The following CPQ variants were observed in gnomAD, a reference collection of about 807,000 sequenced individuals.
CPQ encodes Ser-Met dipeptidase.
In CPQ, 37 loss-of-function variants were observed where a neutral mutation model predicts 45.7. That is an observed-to-expected ratio of 0.81 (90% confidence interval 0.62 to 1.07). The LOEUF is 1.07. CPQ is among the 50% of genes least tolerant of loss of function. The probability of loss-of-function intolerance (pLI) is 0.00; values close to 1 mark genes in which losing one functional copy is unlikely to be tolerated. For synonymous variants in CPQ, 186 were observed against 205.8 expected (o/e 0.90, Z 0.82); for missense variants, 537 against 572.9 (o/e 0.94, Z 0.64).
At chr8:96,847,753 T>G (rs552994668) in intron 3 of CPQ, among the ~76,000 whole-genome samples, 1 of 152,034 alleles carries the variant, frequency 6.6e-6, no homozygotes, top group Non-Finnish European at 1.5e-5. Flanking sequence ...CCATACATAA[T>G]TGCTGTTAAT....
intron 3 of CPQ, among the ~76,000 whole-genome samples, chr8:96,853,290 G>A (rs1442958286): frequency 6.6e-6 from 1 of 152,164 alleles, no homozygotes; most frequent in African/African-American, 2.4e-5. Context: ...AGGCCAGGGC[G>A]CTGTGACAGG....
At chr8:96,981,950 G>A (rs1346940688) in intron 5 of CPQ, among the ~76,000 whole-genome samples, 1 of 152,114 alleles carries the variant, frequency 6.6e-6, no homozygotes, top group Non-Finnish European at 1.5e-5. Context: ...TAAACTAGAT[G>A]GTAACATGCT....
intron 7 of CPQ, among the ~76,000 whole-genome samples, chr8:97,110,264 C>G (rs1458793118): frequency 6.6e-6 from 1 of 152,182 alleles, no homozygotes; most frequent in Non-Finnish European, 1.5e-5. Context: ...CATACTGTTT[C>G]TGAGATTCAT....
chr8:96,925,567 G>A (rs573753090), intron 4 of CPQ, among the ~76,000 whole-genome samples: 6 of 152,234 alleles, frequency 3.9e-5, no homozygotes, highest in African/African-American at 1.4e-4. Flanking sequence ...ATTTTTAGTA[G>A]AAACAGGGTT....
At chr8:96,680,922 G>T (rs1809142015) in intron 1 of CPQ, among the ~76,000 whole-genome samples, 2 of 152,122 alleles carry the variant, frequency 1.3e-5, no homozygotes, top group African/African-American at 4.8e-5. Flanking sequence ...GTGGCATTTT[G>T]CCCCTGCCCG....
At chr8:96,836,031 C>A (rs751842020) in intron 3 of CPQ, among the ~76,000 whole-genome samples, 1 of 152,016 alleles carries the variant, frequency 6.6e-6, no homozygotes. Flanking sequence ...CAGTGTCATA[C>A]GTTAAGGATA....
chr8:96,965,284 A>C (rs1175182924), intron 4 of CPQ, among the ~76,000 whole-genome samples: 1 of 152,004 alleles, frequency 6.6e-6, no homozygotes, highest in Non-Finnish European at 1.5e-5. Context: ...ATGTGGTTGA[A>C]GTTTCAAGCT....
chr8:97,125,991 T>C (rs534775446), intron 7 of CPQ, among the ~76,000 whole-genome samples: 1 of 152,130 alleles, frequency 6.6e-6, no homozygotes, highest in Non-Finnish European at 1.5e-5. Flanking sequence ...AGGGGCTCTG[T>C]GAAAGAAAGA....
intron 1 of CPQ, among the ~76,000 whole-genome samples, chr8:96,724,405 C>A (rs1809807357): frequency 6.6e-6 from 1 of 151,378 alleles, no homozygotes; most frequent in Admixed American, 6.6e-5. Context: ...AGAGGTGGGG[C>A]CTTTAGGAGG....
chr8:96,953,532 G>C (rs375499300), intron 4 of CPQ, among the ~76,000 whole-genome samples: 86 of 152,208 alleles, frequency 5.7e-4, no homozygotes, highest in African/African-American at 2.0e-3. Context: ...TCTTCAAGCA[G>C]TGCATTTCTA....
chr8:96,762,677 T>C (rs1488439972), intron 1 of CPQ, among the ~76,000 whole-genome samples: 1 of 152,126 alleles, frequency 6.6e-6, no homozygotes, highest in Admixed American at 6.6e-5. Flanking sequence ...GCATCTGAGA[T>C]TGTTTTACGG....
intron 1 of CPQ, among the ~76,000 whole-genome samples, chr8:96,665,057 G>A (rs1445487737): frequency 1.3e-5 from 2 of 152,210 alleles, no homozygotes; most frequent in African/African-American, 4.8e-5. Context: ...GAGGTAAGCA[G>A]AGGGTCCGAG....
At chr8:96,706,271 T>C (rs1179355944) in intron 1 of CPQ, among the ~76,000 whole-genome samples, 1 of 152,182 alleles carries the variant, frequency 6.6e-6, no homozygotes, top group African/African-American at 2.4e-5. Flanking sequence ...AATGACTCTA[T>C]TATTTTAAGC....
At chr8:97,070,832 G>T (rs1810727942) in intron 7 of CPQ, among the ~76,000 whole-genome samples, 1 of 152,118 alleles carries the variant, frequency 6.6e-6, no homozygotes, top group South Asian at 2.1e-4. Context: ...TCAAGTTTTT[G>T]CCTGATTCTC....
At chr8:97,029,555 A>C in intron 6 of CPQ, 61 bp downstream of exon 6, 15 of 1,433,666 alleles carry the variant, frequency 1.0e-5, no homozygotes, top group African/African-American at 1.4e-5. Flanking sequence ...AATCCCTCTC[A>C]TTGTCCATTT....
chr8:96,834,838 T>C (rs766627932), intron 2 of CPQ, 135 bp from the exon 3 acceptor site: 5 of 644,864 alleles, frequency 7.8e-6, no homozygotes, highest in Non-Finnish European at 1.3e-5. Context: ...CCATGGTAAA[T>C]GGCTCTAAAA....
At chr8:96,904,629 A>G (rs369025970) in intron 4 of CPQ, among the ~76,000 whole-genome samples, 1 of 152,162 alleles carries the variant, frequency 6.6e-6, no homozygotes, top group African/African-American at 2.4e-5. Flanking sequence ...GATGCTTTTT[A>G]AAAAGGGCCC....
intron 1 of CPQ, among the ~76,000 whole-genome samples, chr8:96,709,151 A>G (rs1017835797): frequency 2.6e-5 from 4 of 152,136 alleles, no homozygotes; most frequent in African/African-American, 9.6e-5. Context: ...TTTTGTTTAC[A>G]TGAATAAATT....
At position 97,086,690 on chromosome 8, in the gene CPQ, A is replaced by G. The variant is rs377764319; in HGVS notation, c.1255+20480A>G. Among the ~76,000 whole-genome samples, 229 of 152,300 alleles carry G rather than the reference A, an allele frequency of 1.5e-3. 1 individual carries two copies. The highest frequency in any genetic ancestry group is 5.4e-3 in the African/African-American group (223 of 41,552). On this transcript the variant is annotated intron_variant, in intron 7 of 7. Transcript: ENST00000220763. ...GATTTGTGTCTAAATTATCCCATAT[A>G]TCAAATAATACTAGATCTCCTCTTC...
Sources: gnomAD v4.1 joint callset for allele counts (sites outside exome capture counted in the v4.1 genomes callset) on GRCh38, gnomAD v4.1.1 for gene constraint, MANE v1.5 for transcripts, NCBI Gene and HGNC (gene_info 2026-07-23, HGNC 2026-07-21) for gene names.